STARD13: variants seen among roughly 807,000 people sequenced by gnomAD.
STARD13 encodes the protein StAR related lipid transfer domain containing 13.
Under a neutral mutation model 106.4 loss-of-function variants are expected in STARD13, and 62 were observed. That is an observed-to-expected ratio of 0.58 (90% CI 0.48 to 0.72). The LOEUF is 0.72. STARD13 is among the 30% of genes least tolerant of loss of function. The probability of loss-of-function intolerance (pLI) is 0.00; values close to 1 mark genes in which losing one functional copy is unlikely to be tolerated. For missense variants in STARD13, 1,387 were observed against 1,424.0 expected, an observed-to-expected ratio of 0.97 and a Z score of 0.42; for synonymous variants, 565 against 553.0, an observed-to-expected ratio of 1.02 and a Z score of -0.31.
intron 2 of STARD13, among the ~76,000 whole-genome samples, 161 bp from the exon 3 acceptor site, chr13:33,165,579 G>C (rs1406379251): frequency 2.0e-5 from 3 of 152,208 alleles, no homozygotes; most frequent in Non-Finnish European, 4.4e-5. Context: ...TGCTATCACT[G>C]TAAATGCTTT....
the STARD13 span, among the ~76,000 whole-genome samples, chr13:33,427,747 G>A: frequency 6.6e-6 from 1 of 152,132 alleles, no homozygotes; most frequent in African/African-American, 2.4e-5. Context: ...CCTGAGGTCA[G>A]GAGTTCGAGA....
chr13:33,556,766 CT>C, the STARD13 span, among the ~76,000 whole-genome samples: 4 of 151,934 alleles, frequency 2.6e-5, no homozygotes, highest in Non-Finnish European at 5.9e-5. Flanking sequence ...AAGCATACAA[CT>C]TTTTTTGTGT....
intron 1 of STARD13, among the ~76,000 whole-genome samples, chr13:33,252,157 T>C (rs527477350): frequency 3.9e-5 from 6 of 152,358 alleles, no homozygotes; most frequent in African/African-American, 1.4e-4. Flanking sequence ...GTTATGTATA[T>C]GATGTATCCA....
the STARD13 span, among the ~76,000 whole-genome samples, chr13:33,577,929 CA>C: frequency 6.6e-4 from 100 of 151,794 alleles, 3 homozygotes; most frequent in East Asian, 0.014. Context: ...AAAGACAAGA[CA>C]AAAAAATCTT....
the STARD13 span, among the ~76,000 whole-genome samples, chr13:33,483,656 A>C: frequency 6.6e-6 from 1 of 152,266 alleles, no homozygotes; most frequent in Non-Finnish European, 1.5e-5. Context: ...ACAGCTCCCT[A>C]ATTGTGGTTT....
chr13:33,210,535 T>C (rs954798675), intron 1 of STARD13, among the ~76,000 whole-genome samples: 1 of 152,192 alleles, frequency 6.6e-6, no homozygotes, highest in African/African-American at 2.4e-5. Flanking sequence ...GTACATAAAA[T>C]GCTTGCCACA....
intron 1 of STARD13, among the ~76,000 whole-genome samples, chr13:33,253,117 C>T (rs554784505): frequency 6.6e-6 from 1 of 152,174 alleles, no homozygotes; most frequent in Non-Finnish European, 1.5e-5. Flanking sequence ...TTTATGCCTC[C>T]AGAACACCAT....
At chr13:33,183,107 G>A (rs1285678317) in intron 1 of STARD13, among the ~76,000 whole-genome samples, 1 of 152,136 alleles carries the variant, frequency 6.6e-6, no homozygotes, top group Admixed American at 6.5e-5. Flanking sequence ...TGTATCCCAG[G>A]TTAGCTCGGC....
chr13:33,351,894 C>T (rs1286165788), upstream of STARD13, among the ~76,000 whole-genome samples: 1 of 152,228 alleles, frequency 6.6e-6, no homozygotes, highest in Non-Finnish European at 1.5e-5. Flanking sequence ...TCCCTCTACA[C>T]TTCTGCTACA....
chr13:33,232,711 T>C (rs1888985117), intron 1 of STARD13, among the ~76,000 whole-genome samples: 1 of 152,220 alleles, frequency 6.6e-6, no homozygotes, highest in South Asian at 2.1e-4. Flanking sequence ...ACCCTCTGAA[T>C]TAAAACTAGA....
At chr13:33,436,529 T>C in the STARD13 span, among the ~76,000 whole-genome samples, 3 of 152,218 alleles carry the variant, frequency 2.0e-5, no homozygotes, top group Non-Finnish European at 4.4e-5. Flanking sequence ...TAATTTTTCA[T>C]TCCATTAAGC....
chr13:33,452,536 C>T, the STARD13 span, among the ~76,000 whole-genome samples: 11 of 152,256 alleles, frequency 7.2e-5, no homozygotes, highest in Admixed American at 6.5e-4. Flanking sequence ...TTCTCCTTCT[C>T]TATTTTCCTT....
the STARD13 span, among the ~76,000 whole-genome samples, chr13:33,454,134 T>A: frequency 6.6e-6 from 1 of 152,192 alleles, no homozygotes; most frequent in Non-Finnish European, 1.5e-5. Context: ...CAATCCGTCA[T>A]CCTCCTGATG....
chr13:33,469,125 C>T, the STARD13 span, among the ~76,000 whole-genome samples: 1 of 152,174 alleles, frequency 6.6e-6, no homozygotes, highest in South Asian at 2.1e-4. Context: ...GGACTAAGCA[C>T]TTTATATAAA....
the STARD13 span, among the ~76,000 whole-genome samples, chr13:33,639,341 A>T: frequency 8.5e-4 from 129 of 152,334 alleles, no homozygotes; most frequent in Non-Finnish European, 1.6e-3. Context: ...AGCATCTGCT[A>T]TCTGCCAGGG....
intron 1 of STARD13, among the ~76,000 whole-genome samples, chr13:33,224,738 AT>A (rs1280260615): frequency 2.6e-5 from 4 of 152,246 alleles, no homozygotes; most frequent in Non-Finnish European, 5.9e-5. Context: ...TACATCCACC[AT>A]TAGTACTTCA....
At chr13:33,435,295 C>A in the STARD13 span, among the ~76,000 whole-genome samples, 1 of 152,138 alleles carries the variant, frequency 6.6e-6, no homozygotes, top group East Asian at 1.9e-4. Flanking sequence ...TCTCCTTTTC[C>A]CTATCTGTAT....
intron 1 of STARD13, among the ~76,000 whole-genome samples, chr13:33,207,120 GT>G (rs752324266): frequency 1.3e-5 from 2 of 152,216 alleles, no homozygotes; most frequent in South Asian, 4.1e-4. Context: ...ACCACTGCCT[GT>G]GATAAGGAGA....
At chr13:33,268,010 C>T (rs745511443) in intron 1 of STARD13, among the ~76,000 whole-genome samples, 3 of 152,088 alleles carry the variant, frequency 2.0e-5, no homozygotes, top group Admixed American at 6.5e-5. Flanking sequence ...TTCTGTGCTT[C>T]GTTTTGGGAA....
Sources: gnomAD v4.1 joint callset for allele counts (sites outside exome capture counted in the v4.1 genomes callset) on GRCh38, gnomAD v4.1.1 for gene constraint, MANE v1.5 for transcripts, NCBI Gene and HGNC (gene_info 2026-07-23, HGNC 2026-07-21) for gene names.